POLR1B: variants seen among roughly 807,000 people sequenced by gnomAD.
POLR1B encodes the protein RNA polymerase I subunit B, also known as DNA-directed RNA polymerase I subunit RPA2.
In POLR1B, 30 loss-of-function variants were observed where a neutral mutation model predicts 105.8. That is an observed-to-expected ratio of 0.28 (90% CI 0.21 to 0.38). The LOEUF is 0.38. Among genes scored for constraint, POLR1B ranks in the 10% least tolerant of loss-of-function variants. POLR1B has a pLI of 1.00. For missense variants in POLR1B, 976 were observed against 1,435.8 expected (o/e 0.68, Z 5.17); for synonymous variants, 485 against 505.1 (o/e 0.96, Z 0.53).
intron 1 of POLR1B, among the ~76,000 whole-genome samples, chr2:112,544,627 A>G (rs1453181962): frequency 6.6e-6 from 1 of 152,166 alleles, no homozygotes; most frequent in Non-Finnish European, 1.5e-5. Context: ...GTTGAAGTAG[A>G]TGAAGAAAAT....
chr2:112,576,942 G>A lies in POLR1B; in HGVS notation c.*1213G>A, dbSNP rs1412899543. 1 of 152,218 alleles carries A rather than the reference G, an allele frequency of 6.6e-6. No individual in the cohort carries two copies. The highest frequency in any genetic ancestry group is 1.9e-4 in the East Asian group (1 of 5,200). 9.4% of individuals were successfully genotyped at this position (152,218 alleles called of 1,614,324 possible). The stretch of plus-strand genomic sequence containing the variant: ...TATATTGATCTGCTTTCATAGCAGT[G>A]TGTAGAGTGCCACTTATGTTTTCTT... On this transcript the variant is annotated 3_prime_UTR_variant, in exon 15 of 15. Coordinates refer to ENST00000263331, the MANE Select transcript of POLR1B (RefSeq NM_019014.6).
rs1553409879 is a variant in POLR1B, at chr2:112,547,847, G to GA, written c.492+280_492+281insA. 2.0e-5 allele frequency among the ~76,000 whole-genome samples: 3 copies of GA among 147,584 alleles called. No individual in the cohort carries two copies. The East Asian group carries it at 5.9e-4, about 29-fold the overall frequency. ...ATAGAGACATACTTCCACAAAATTTGTTTTTTTTTTCAAGCTGTCTTAATC... is the reference window on the plus strand; with the variant it reads ...ATAGAGACATACTTCCACAAAATTTGATTTTTTTTTTCAAGCTGTCTTAATC... On this transcript the variant is annotated intron_variant, in intron 3 of 14. Coordinates refer to ENST00000263331, the MANE Select transcript of POLR1B (RefSeq NM_019014.6).
upstream of POLR1B, chr2:112,542,463 G>A (rs374096069): frequency 2.7e-6 from 4 of 1,499,252 alleles, no homozygotes; most frequent in African/African-American, 4.2e-5. Context: ...GGCGTGTACC[G>A]AGAGACTGGC....
At chr2:112,574,204 T>C (rs1684746267) in intron 14 of POLR1B, among the ~76,000 whole-genome samples, 1 of 152,222 alleles carries the variant, frequency 6.6e-6, no homozygotes, top group South Asian at 2.1e-4. Context: ...TCACATACAA[T>C]GTTAGCAATG....
In POLR1B at chr2:112,547,579, C is replaced by G. The variant is rs375669994; in HGVS notation, c.492+12C>G. 5 of 1,612,742 alleles carry G rather than the reference C, an allele frequency of 3.1e-6. No homozygotes were observed. Among genetic ancestry groups the G allele is most frequent in the East Asian group, 4.5e-5 (2 of 44,882 alleles). On this transcript the variant is annotated intron_variant, in intron 3 of 14. Coordinates refer to ENST00000263331, the MANE Select transcript of POLR1B (RefSeq NM_019014.6). The stretch of plus-strand genomic sequence containing the variant: ...ATGAGGAGGCAGAGGTAATGACGGG[C>G]GTCCAGGCATGAGACAGTAGAGAAG...
rs192081882 is a variant in POLR1B, at chr2:112,551,563, G to T, written c.763-212G>T. Among the ~76,000 whole-genome samples the T allele has an allele frequency of 6.6e-5, 10 of 152,322 alleles. No homozygotes were observed. In the East Asian group the frequency reaches 1.9e-3, roughly 29 times the overall value. On this transcript the variant is annotated intron_variant, in intron 5 of 14. Coordinates refer to ENST00000263331, the MANE Select transcript of POLR1B (RefSeq NM_019014.6). Reference sequence around the variant, plus strand: ...CGGCATGGGAGGAAACTACACGTTTGTGAACACCAGGAGATGAGGACCCTG... The same window carrying T: ...CGGCATGGGAGGAAACTACACGTTTTTGAACACCAGGAGATGAGGACCCTG...
chr2:112,550,647 G>A (rs562011792), intron 4 of POLR1B: 3 of 563,096 alleles, frequency 5.3e-6, no homozygotes, highest in South Asian at 4.5e-5. Flanking sequence ...TAAATTCATA[G>A]TTTCGGTTAT....
intron 14 of POLR1B, 108 bp downstream of exon 14, chr2:112,573,923 T>A: frequency 7.6e-7 from 1 of 1,323,232 alleles, no homozygotes. Flanking sequence ...CTCAGCTCAC[T>A]ACAACCACCA....
chr2:112,548,641 C>G (rs575236938), intron 3 of POLR1B, among the ~76,000 whole-genome samples: 47 of 147,916 alleles, frequency 3.2e-4, no homozygotes, highest in Non-Finnish European at 6.1e-4. Flanking sequence ...GAGACGGAGT[C>G]TCCCTCTCTC....
chr2:112,566,880 A>G (rs1164583304), intron 10 of POLR1B, among the ~76,000 whole-genome samples: 1 of 152,054 alleles, frequency 6.6e-6, no homozygotes, highest in East Asian at 1.9e-4. Context: ...TTACAGGTGC[A>G]CACCACCATG....
intron 8 of POLR1B, among the ~76,000 whole-genome samples, chr2:112,558,896 G>A (rs1683811917): frequency 6.7e-6 from 1 of 148,666 alleles, no homozygotes; most frequent in South Asian, 2.1e-4. Flanking sequence ...TGGGATTATA[G>A]CATGAACCAC....
intron 11 of POLR1B, among the ~76,000 whole-genome samples, chr2:112,568,378 T>C (rs546052420): frequency 2.6e-4 from 39 of 152,310 alleles, no homozygotes; most frequent in African/African-American, 9.4e-4. Context: ...CCATCTTATC[T>C]AGCTCCCAGA....
rs1388973125 is a variant in POLR1B, at chr2:112,547,563, C to T, written c.488C>T (p.Ala163Val). The change falls in exon 3 of 15, where the codon GCA becomes GTA. Residue 163 changes from alanine (A) to valine (V), a missense_variant. By Grantham distance (64) the Ala-to-Val change is moderately conservative. Around this residue, in one of 12 missense-constraint regions of POLR1B, gnomAD observed 452 missense variants for 616.5 expected, o/e 0.73. Transcript: ENST00000263331. ...GCCCTCATTGAGCACCATGAGGAGG[C>T]AGAGGTAATGACGGGCGTCCAGGCA... ...PQALIEHHEE[A>V]EEMGGYFIIN... The T allele has an allele frequency of 6.2e-7, 1 of 1,613,896 alleles. No homozygotes were observed. The highest frequency in any genetic ancestry group is 8.5e-7 in the Non-Finnish European group (1 of 1,179,936).
intron 3 of POLR1B, 72 bp from the exon 4 acceptor site, chr2:112,549,195 T>C (rs1683231024): frequency 3.9e-6 from 6 of 1,540,854 alleles, no homozygotes; most frequent in Middle Eastern, 1.8e-4. Context: ...TACCTTTGGC[T>C]AGGAGTGAGG....
chr2:112,550,249 C>G (rs962722135), intron 4 of POLR1B, among the ~76,000 whole-genome samples: 2 of 152,250 alleles, frequency 1.3e-5, no homozygotes, highest in Non-Finnish European at 2.9e-5. Flanking sequence ...GTACACCCCT[C>G]AGGGTCTCTG....
At chr2:112,550,808 G>A (rs1683326048) in intron 4 of POLR1B, 58 bp from the exon 5 acceptor site, 1 of 1,561,178 alleles carries the variant, frequency 6.4e-7, no homozygotes. Flanking sequence ...GAAAGAAAAT[G>A]GTTGAAGCAA....
chr2:112,556,677 G>A (rs1343526950), intron 7 of POLR1B, among the ~76,000 whole-genome samples: 4 of 152,164 alleles, frequency 2.6e-5, no homozygotes, highest in Non-Finnish European at 4.4e-5. Context: ...ATACATGAGT[G>A]ACCTATGTAC....
chr2:112,572,042 C>G (rs935579158), intron 12 of POLR1B, among the ~76,000 whole-genome samples: 1 of 152,122 alleles, frequency 6.6e-6, no homozygotes, highest in African/African-American at 2.4e-5. Flanking sequence ...ATTTTAAAAT[C>G]ATTTTGTCGT....
At position 112,578,087 on chromosome 2, in the gene POLR1B, C is replaced by T. The variant is rs980466844; in HGVS notation, c.*2358C>T. 6.6e-6 allele frequency among the ~76,000 whole-genome samples: 1 copy of T among 152,042 alleles called. No individual in the cohort carries two copies. The highest frequency in any genetic ancestry group is 1.5e-5 in the Non-Finnish European group (1 of 68,004). On this transcript the variant is annotated 3_prime_UTR_variant, in exon 15 of 15. Coordinates refer to ENST00000263331, the MANE Select transcript of POLR1B (RefSeq NM_019014.6). ...ATTTTTAGCAGCACTAAAAACATTC[C>T]CAAAAAAAATGTTTTTTAGCTTTTT...
Sources: gnomAD v4.1 joint callset for allele counts (sites outside exome capture counted in the v4.1 genomes callset) on GRCh38, gnomAD v4.1.1 for gene constraint, gnomAD v4.1.1 regional missense constraint, MANE v1.5 for transcripts, NCBI Gene and HGNC (gene_info 2026-07-23, HGNC 2026-07-21) for gene names.